Variants in BLTP1 observed in about 807,000 individuals in gnomAD.
BLTP1 encodes the protein fragile site-associated protein.
chr4:122,328,825 T>C, the BLTP1 span: 16 of 932,386 alleles, frequency 1.7e-5, no homozygotes, highest in South Asian at 1.5e-4. Context: ...AAATGACATA[T>C]GTGAAACTTT....
At chr4:122,324,783 G>C in the BLTP1 span, among the ~76,000 whole-genome samples, 1 of 151,902 alleles carries the variant, frequency 6.6e-6, no homozygotes, top group Admixed American at 6.6e-5. Flanking sequence ...ACAAGTTTCT[G>C]TTTTATTTAC....
the BLTP1 span, among the ~76,000 whole-genome samples, chr4:122,296,846 C>G: frequency 6.6e-6 from 1 of 152,132 alleles, no homozygotes; most frequent in East Asian, 1.9e-4. Context: ...ATAAATGGTG[C>G]TGAGAAAATT....
chr4:122,326,699 A>G, the BLTP1 span, among the ~76,000 whole-genome samples: 331 of 151,792 alleles, frequency 2.2e-3, 4 homozygotes, highest in Non-Finnish European at 3.7e-3. Flanking sequence ...TACTGCTTGT[A>G]AAAAAATGGT....
chr4:122,222,899 A>C, the BLTP1 span: 1 of 691,788 alleles, frequency 1.4e-6, no homozygotes. Context: ...CTGTAATAAC[A>C]TTTAGAATAT....
the BLTP1 span, chr4:122,324,474 C>T: frequency 4.1e-3 from 6,596 of 1,611,018 alleles, 46 homozygotes; most frequent in South Asian, 0.022. Flanking sequence ...AACCAAGTTA[C>T]AGCCGATCAA....
the BLTP1 span, chr4:122,194,528 T>C: frequency 1.1e-6 from 1 of 888,986 alleles, no homozygotes; most frequent in Non-Finnish European, 1.3e-6. Context: ...TACATTTCAT[T>C]AAGTAATAGA....
At chr4:122,253,552 GAAGA>G in the BLTP1 span, among the ~76,000 whole-genome samples, 3 of 152,028 alleles carry the variant, frequency 2.0e-5, no homozygotes, top group African/African-American at 7.2e-5. Flanking sequence ...TGTTCAAGCA[GAAGA>G]AAGAATTAAT....
chr4:122,189,467 T>C, the BLTP1 span: 10 of 954,602 alleles, frequency 1.0e-5, no homozygotes, highest in Non-Finnish European at 1.2e-5. Flanking sequence ...TTCATGGAAA[T>C]AGGTAATAAG....
chr4:122,302,194 T>A, the BLTP1 span: 1 of 796,404 alleles, frequency 1.3e-6, no homozygotes, highest in Non-Finnish European at 1.5e-6. Context: ...TACTAAATTT[T>A]AAATATAAAA....
At chr4:122,273,114 G>C in the BLTP1 span, 1 of 629,874 alleles carries the variant, frequency 1.6e-6, no homozygotes, top group Non-Finnish European at 2.0e-6. Context: ...TTTTTTTCTG[G>C]TTGTGAAAAT....
chr4:122,232,473 T>C, the BLTP1 span, among the ~76,000 whole-genome samples: 9,774 of 152,036 alleles, frequency 0.064, 889 homozygotes, highest in African/African-American at 0.21. Context: ...CTGAGTCCTA[T>C]AGGGGATAAC....
chr4:122,345,855 A>T, the BLTP1 span: 17 of 165,898 alleles, frequency 1.0e-4, no homozygotes, highest in Non-Finnish European at 2.0e-4. Flanking sequence ...GAGAGATAGA[A>T]GAGAATCCAT....
chr4:122,196,922 T>C, the BLTP1 span: 1 of 514,274 alleles, frequency 1.9e-6, no homozygotes, highest in Non-Finnish European at 3.2e-6. Context: ...AATAATTTTA[T>C]GTATTTTACT....
At chr4:122,152,815 G>A in the BLTP1 span, among the ~76,000 whole-genome samples, 1 of 152,220 alleles carries the variant, frequency 6.6e-6, no homozygotes, top group African/African-American at 2.4e-5. Context: ...GATGGCTGGG[G>A]ACTTTGATAC....
At chr4:122,246,810 G>C in the BLTP1 span, 14 of 1,611,806 alleles carry the variant, frequency 8.7e-6, no homozygotes, top group South Asian at 1.1e-5. Context: ...CGCATGAACA[G>C]GTAAGAAATA....
chr4:122,301,029 T>C, the BLTP1 span: 1 of 978,118 alleles, frequency 1.0e-6, no homozygotes, highest in Non-Finnish European at 1.2e-6. Flanking sequence ...TTCCCTCAAA[T>C]GTGTTTTCTG....
At chr4:122,195,151 G>A in the BLTP1 span, among the ~76,000 whole-genome samples, 1 of 152,144 alleles carries the variant, frequency 6.6e-6, no homozygotes. Context: ...TTTGCTATTG[G>A]ATAATTCACT....
chr4:122,288,286 C>T, the BLTP1 span, among the ~76,000 whole-genome samples: 2 of 152,108 alleles, frequency 1.3e-5, no homozygotes, highest in East Asian at 1.9e-4. Context: ...CAAATGTAAG[C>T]CTGAGACCCA....
the BLTP1 span, chr4:122,255,172 G>C: frequency 6.2e-7 from 1 of 1,606,438 alleles, no homozygotes; most frequent in Non-Finnish European, 8.5e-7. Flanking sequence ...AATACAACAG[G>C]CTTACAAAAG....
Sources: allele counts gnomAD v4.1 joint callset (sites outside exome capture counted in the v4.1 genomes callset), GRCh38; gene constraint gnomAD v4.1.1; transcripts MANE v1.5; gene names NCBI Gene and HGNC (gene_info 2026-07-23, HGNC 2026-07-21).